The following GPC6 variants were observed in gnomAD, a reference collection of about 807,000 sequenced individuals.
GPC6 encodes the protein glypican-6.
In GPC6, 14 loss-of-function variants were observed where a neutral mutation model predicts 55.2. That is an observed-to-expected ratio of 0.25 (90% confidence interval 0.17 to 0.40). The LOEUF is 0.40. Ranked by LOEUF, GPC6 falls within the 10% of genes least tolerant of loss-of-function variation. The probability of loss-of-function intolerance (pLI) is 1.00; values close to 1 mark genes in which losing one functional copy is unlikely to be tolerated. For missense variants in GPC6, 641 were observed against 708.5 expected (o/e 0.90, Z 1.08); for synonymous variants, 278 against 259.6 (o/e 1.07, Z -0.68).
intron 2 of GPC6, among the ~76,000 whole-genome samples, chr13:93,556,740 C>T (rs758894255): frequency 1.6e-4 from 24 of 152,136 alleles, no homozygotes; most frequent in Non-Finnish European, 2.5e-4. Flanking sequence ...AACCACCCTT[C>T]TACTGTGTCC....
chr13:93,353,387 T>A (rs530078278), intron 1 of GPC6, among the ~76,000 whole-genome samples: 2 of 152,232 alleles, frequency 1.3e-5, no homozygotes, highest in South Asian at 4.2e-4. Flanking sequence ...ACACTAACAA[T>A]GAGTGCCAAG....
chr13:94,014,826 A>G (rs191994570), intron 3 of GPC6, among the ~76,000 whole-genome samples: 183 of 152,314 alleles, frequency 1.2e-3, no homozygotes, highest in South Asian at 7.7e-3. Flanking sequence ...CATTTAGCAT[A>G]ATGTTTTCAA....
chr13:93,352,367 G>A (rs1042090499), intron 1 of GPC6, among the ~76,000 whole-genome samples: 1 of 152,086 alleles, frequency 6.6e-6, no homozygotes, highest in African/African-American at 2.4e-5. Flanking sequence ...ATATAGCAAT[G>A]GGGATTGTTT....
intron 2 of GPC6, among the ~76,000 whole-genome samples, chr13:93,699,001 A>G (rs1882577576): frequency 6.6e-6 from 1 of 152,132 alleles, no homozygotes; most frequent in South Asian, 2.1e-4. Flanking sequence ...CTGAAAAGCT[A>G]AATGTTTCAG....
intron 1 of GPC6, among the ~76,000 whole-genome samples, chr13:93,512,962 C>T (rs1881040897): frequency 6.6e-6 from 1 of 152,092 alleles, no homozygotes; most frequent in African/African-American, 2.4e-5. Context: ...TACTACAGTG[C>T]AAGGTGTCCA....
chr13:93,219,469 G>T, the GPC6 span, among the ~76,000 whole-genome samples: 1 of 152,118 alleles, frequency 6.6e-6, no homozygotes, highest in Non-Finnish European at 1.5e-5. Flanking sequence ...TATAGCCAAT[G>T]AATAGAGAAA....
rs1477948797 is a variant in GPC6, at chr13:93,895,232, G to GTGTGTGTGTGTGTGTGTGTGTGTGTGTA, written c.711+64690_711+64691insGTGTGTGTGTGTGTGTGTGTGTGTATGT. ...TGTGTGTGTGTATGTATGTGTGTGTGTGTATATATATATATATATATATAT... is the reference window on the plus strand; with the variant it reads ...TGTGTGTGTGTATGTATGTGTGTGTGTGTGTGTGTGTGTGTGTGTGTGTGTGTATGTATATATATATATATATATATAT... On this transcript the variant is annotated intron_variant, in intron 3 of 8. Coordinates refer to ENST00000377047, the MANE Select transcript of GPC6 (RefSeq NM_005708.5). Among the ~76,000 whole-genome samples the GTGTGTGTGTGTGTGTGTGTGTGTGTGTA allele has an allele frequency of 4.4e-4, 32 of 73,372 alleles. 2 individuals carry two copies. Among genetic ancestry groups the GTGTGTGTGTGTGTGTGTGTGTGTGTGTA allele is most frequent in the African/African-American group, 1.7e-3 (30 of 17,774 alleles). The allele number at this position is 73,372 out of a possible 152,430, so 48.1% of individuals were successfully genotyped here. A position where few individuals can be genotyped will look rare whatever the true frequency, so the allele number is the denominator to read the frequency against.
rs963591813 is a variant in GPC6, at chr13:93,498,223, C to T, written c.161-47040C>T. Among the ~76,000 whole-genome samples the T allele has an allele frequency of 6.6e-5, 10 of 152,306 alleles. No individual in the cohort carries two copies. In the East Asian group the frequency reaches 1.5e-3, roughly 24 times the overall value. On this transcript the variant is annotated intron_variant, in intron 1 of 8. Coordinates refer to ENST00000377047, the MANE Select transcript of GPC6 (RefSeq NM_005708.5). ...TGTGCAGCTAATGATCAAATATTGT[C>T]CAGCTCTGGCCTTTGGATGTCTTTC...
chr13:94,019,724 C>A (rs984172918), intron 3 of GPC6, among the ~76,000 whole-genome samples: 1 of 152,092 alleles, frequency 6.6e-6, no homozygotes, highest in Non-Finnish European at 1.5e-5. Flanking sequence ...TTGGCAAATA[C>A]CCTATTTCCT....
chr13:93,664,813 T>C (rs9589809), intron 2 of GPC6, among the ~76,000 whole-genome samples: 3,025 of 152,296 alleles, frequency 0.02, 95 homozygotes, highest in African/African-American at 0.067. Context: ...TTTTTCTTTT[T>C]ACTTGGATTA....
At chr13:93,586,226 C>G (rs546832898) in intron 2 of GPC6, among the ~76,000 whole-genome samples, 2 of 152,086 alleles carry the variant, frequency 1.3e-5, no homozygotes, top group Non-Finnish European at 2.9e-5. Flanking sequence ...GGTTTACTGT[C>G]CCTGTGTTAG....
intron 2 of GPC6, among the ~76,000 whole-genome samples, chr13:93,552,768 T>C (rs1274088517): frequency 2.6e-5 from 4 of 152,068 alleles, no homozygotes; most frequent in Admixed American, 2.6e-4. Flanking sequence ...TATCAGACTC[T>C]GAAACCAGTT....
intron 2 of GPC6, among the ~76,000 whole-genome samples, chr13:93,613,551 AC>A (rs1878585555): frequency 6.6e-6 from 1 of 151,884 alleles, no homozygotes; most frequent in South Asian, 2.1e-4. Flanking sequence ...ACACACACAC[AC>A]ACACACACAC....
chr13:93,546,643 A>C (rs148569833), intron 2 of GPC6, among the ~76,000 whole-genome samples: 93 of 152,306 alleles, frequency 6.1e-4, no homozygotes, highest in African/African-American at 2.1e-3. Context: ...TTGTTCCCTT[A>C]AATGCAGCTA....
intron 3 of GPC6, among the ~76,000 whole-genome samples, chr13:93,917,251 A>G (rs901301610): frequency 2.0e-5 from 3 of 152,150 alleles, no homozygotes; most frequent in Admixed American, 1.3e-4. Context: ...AGTGAGGCCA[A>G]TTTTTCTTCT....
intron 1 of GPC6, among the ~76,000 whole-genome samples, chr13:93,460,371 A>G (rs562359440): frequency 1.2e-4 from 19 of 152,338 alleles, no homozygotes; most frequent in African/African-American, 4.1e-4. Flanking sequence ...ATCTTTTGCC[A>G]TAATATTTTC....
chr13:93,338,995 A>T (rs1384587750), intron 1 of GPC6, among the ~76,000 whole-genome samples: 1 of 152,156 alleles, frequency 6.6e-6, no homozygotes, highest in African/African-American at 2.4e-5. Flanking sequence ...GTGATGTCAA[A>T]GCATTTACGC....
chr13:93,675,454 G>A (rs1432557183), intron 2 of GPC6, among the ~76,000 whole-genome samples: 1 of 152,052 alleles, frequency 6.6e-6, no homozygotes, highest in Non-Finnish European at 1.5e-5. Context: ...CTGTTCACCA[G>A]TATTCACAAT....
chr13:94,017,955 A>G (rs1329732802), intron 3 of GPC6, among the ~76,000 whole-genome samples: 1 of 152,072 alleles, frequency 6.6e-6, no homozygotes, highest in African/African-American at 2.4e-5. Context: ...ACAATTTTCA[A>G]TACAGTGTTA....
Sources: gnomAD v4.1 joint callset for allele counts (sites outside exome capture counted in the v4.1 genomes callset) on GRCh38, gnomAD v4.1.1 for gene constraint, MANE v1.5 for transcripts, NCBI Gene and HGNC (gene_info 2026-07-23, HGNC 2026-07-21) for gene names.